Variants in GRIP1 observed in about 807,000 individuals in gnomAD.
GRIP1 encodes the protein glutamate receptor interacting protein 1, also known as glutamate receptor-interacting protein 1.
In GRIP1, 45 loss-of-function variants were observed where a neutral mutation model predicts 129.9. The ratio of observed to expected loss-of-function variants is 0.35; its 90% CI spans 0.27 to 0.44. The LOEUF (loss-of-function observed/expected upper bound fraction) is 0.44. Among genes scored for constraint, GRIP1 ranks in the 20% least tolerant of loss-of-function variants. The pLI, the probability that GRIP1 is intolerant of heterozygous loss-of-function variation, is 1.00. For missense variants in GRIP1, 1,196 were observed against 1,396.8 expected, an observed-to-expected ratio of 0.86 and a Z score of 2.29; for synonymous variants, 530 against 520.8, an observed-to-expected ratio of 1.02 and a Z score of -0.24.
intron 1 of GRIP1, among the ~76,000 whole-genome samples, chr12:66,825,177 T>C (rs1406230473): frequency 1.3e-5 from 2 of 152,188 alleles, no homozygotes; most frequent in African/African-American, 2.4e-5. Context: ...TAATCAGTAA[T>C]AGCATGTATT....
At chr12:66,812,296 G>A (rs1188472137) in intron 1 of GRIP1, among the ~76,000 whole-genome samples, 1 of 152,086 alleles carries the variant, frequency 6.6e-6, no homozygotes. Flanking sequence ...ACCATGCTTG[G>A]CTAATTTTTT....
At chr12:66,512,333 AT>A (rs1371425595) in intron 7 of GRIP1, among the ~76,000 whole-genome samples, 2 of 152,136 alleles carry the variant, frequency 1.3e-5, no homozygotes, top group Non-Finnish European at 2.9e-5. Context: ...AAGATAGAAG[AT>A]GTGGGAAAGT....
intron 1 of GRIP1, among the ~76,000 whole-genome samples, chr12:66,987,423 C>T (rs890405248): frequency 1.3e-5 from 2 of 152,152 alleles, no homozygotes; most frequent in Admixed American, 1.3e-4. Context: ...TTAGACCTTG[C>T]CTTCTTATCA....
chr12:66,528,135 T>TTTTTTTTTTTG (rs576656983), intron 5 of GRIP1, among the ~76,000 whole-genome samples: 26,210 of 89,582 alleles, frequency 0.29, 3,216 homozygotes, highest in South Asian at 0.44. Flanking sequence ...AATTAGTAGG[T>TTTTTTTTTTTG]TTTTTTTTTT....
At chr12:67,051,966 C>T (rs1208263174) in intron 1 of GRIP1, among the ~76,000 whole-genome samples, 7 of 152,088 alleles carry the variant, frequency 4.6e-5, no homozygotes, top group Non-Finnish European at 7.4e-5. Context: ...AAGTCACTGA[C>T]AGGAAGAGAA....
chr12:66,778,567 C>G (rs1221581264), intron 1 of GRIP1, among the ~76,000 whole-genome samples: 1 of 152,128 alleles, frequency 6.6e-6, no homozygotes, highest in East Asian at 1.9e-4. Flanking sequence ...TACCACCAAG[C>G]AAGCAGTAAG....
intron 1 of GRIP1, among the ~76,000 whole-genome samples, chr12:67,062,563 C>T (rs2043553802): frequency 6.6e-6 from 1 of 151,876 alleles, no homozygotes; most frequent in Non-Finnish European, 1.5e-5. Context: ...GCACAATCAA[C>T]CCCTCTTCTC....
intron 15 of GRIP1, among the ~76,000 whole-genome samples, chr12:66,410,973 G>C (rs2057379267): frequency 6.6e-6 from 1 of 152,088 alleles, no homozygotes; most frequent in Admixed American, 6.6e-5. Context: ...TCTAAGCCAG[G>C]GTTTTATGAA....
At chr12:66,572,863 A>G (rs1188940242) in intron 2 of GRIP1, among the ~76,000 whole-genome samples, 1 of 152,116 alleles carries the variant, frequency 6.6e-6, no homozygotes, top group Non-Finnish European at 1.5e-5. Context: ...TATGCCATGG[A>G]GGACGGTGTT....
chr12:66,372,841 T>G (rs953929861), intron 22 of GRIP1, among the ~76,000 whole-genome samples: 1 of 152,126 alleles, frequency 6.6e-6, no homozygotes, highest in African/African-American at 2.4e-5. Flanking sequence ...TCTGAAAATA[T>G]GCCTGTAGCC....
chr12:66,755,728 T>C lies in GRIP1; in HGVS notation c.-420+48325A>G, dbSNP rs76517105. ...AGATGTGGGAGCTGGCAGTCCACACTACAGCTGGAGAGGCCAATGCAACCT... is the reference window on the plus strand; with the variant it reads ...AGATGTGGGAGCTGGCAGTCCACACCACAGCTGGAGAGGCCAATGCAACCT... On this transcript the variant is annotated intron_variant, in intron 1 of 4. Transcript: ENST00000538373. Among the ~76,000 whole-genome samples the C allele has an allele frequency of 6.7e-3, 1,013 of 152,308 alleles. 9 individuals carry two copies. The highest frequency in any genetic ancestry group is 0.01 in the Non-Finnish European group (700 of 68,032).
intron 1 of GRIP1, among the ~76,000 whole-genome samples, chr12:66,902,111 G>A (rs945484530): frequency 3.3e-5 from 5 of 152,128 alleles, no homozygotes; most frequent in Non-Finnish European, 7.3e-5. Context: ...TGGGGAACTA[G>A]TTCTTTACAG....
chr12:66,454,187 A>G (rs907201412), intron 11 of GRIP1, among the ~76,000 whole-genome samples: 4 of 152,216 alleles, frequency 2.6e-5, no homozygotes, highest in Non-Finnish European at 5.9e-5. Context: ...TGTGGGTGAT[A>G]GCTGGTCTTG....
intron 1 of GRIP1, among the ~76,000 whole-genome samples, chr12:66,863,574 GA>G (rs1010338474): frequency 6.6e-6 from 1 of 152,000 alleles, no homozygotes; most frequent in African/African-American, 2.4e-5. Flanking sequence ...GAAGCAAAAG[GA>G]AAAAGTCGGT....
chr12:66,749,848 T>A (rs2136609138), intron 1 of GRIP1, among the ~76,000 whole-genome samples: 1 of 152,278 alleles, frequency 6.6e-6, no homozygotes, highest in African/African-American at 2.4e-5. Flanking sequence ...GGAGCCTGGC[T>A]CCCTGTTATG....
chr12:66,375,982 A>G (rs1325542863), intron 22 of GRIP1, among the ~76,000 whole-genome samples: 2 of 152,244 alleles, frequency 1.3e-5, no homozygotes, highest in Admixed American at 6.5e-5. Flanking sequence ...ATCATTCTAC[A>G]TGCAGAAGGT....
chr12:67,041,272 C>G (rs1314467426), intron 1 of GRIP1, among the ~76,000 whole-genome samples: 1 of 151,138 alleles, frequency 6.6e-6, no homozygotes, highest in Non-Finnish European at 1.5e-5. Context: ...GTGTATATAT[C>G]CATATATACA....
chr12:66,405,035 A>G (rs1218711203), intron 16 of GRIP1, among the ~76,000 whole-genome samples: 1 of 152,182 alleles, frequency 6.6e-6, no homozygotes, highest in Non-Finnish European at 1.5e-5. Flanking sequence ...GCCACACAAA[A>G]CAAGAAACAA....
At chr12:66,865,146 T>C (rs2137130619) in intron 1 of GRIP1, among the ~76,000 whole-genome samples, 1 of 152,230 alleles carries the variant, frequency 6.6e-6, no homozygotes, top group Non-Finnish European at 1.5e-5. Flanking sequence ...AAATCTGACT[T>C]TCAGTATTTT....
Sources: gnomAD v4.1 joint callset for allele counts (sites outside exome capture counted in the v4.1 genomes callset) on GRCh38, gnomAD v4.1.1 for gene constraint, MANE v1.5 for transcripts, NCBI Gene and HGNC (gene_info 2026-07-23, HGNC 2026-07-21) for gene names.